CPED1: variants seen among roughly 807,000 people sequenced by gnomAD.
The protein encoded by CPED1 is cadherin-like and PC-esterase domain-containing protein 1.
In CPED1, 114 loss-of-function variants were observed where a neutral mutation model predicts 128.2. That is an observed-to-expected ratio of 0.89 (90% confidence interval 0.76 to 1.04). CPED1 has a LOEUF of 1.04. CPED1 is among the 50% of genes least tolerant of loss of function. The pLI is 0.00. For synonymous variants in CPED1, 462 were observed against 426.7 expected, an observed-to-expected ratio of 1.08 and a Z score of -1.02; for missense variants, 1,211 against 1,207.1, an observed-to-expected ratio of 1.00 and a Z score of -0.05.
intron 7 of CPED1, among the ~76,000 whole-genome samples, chr7:121,114,854 TAAA>T (rs930175815): frequency 4.4e-4 from 67 of 152,342 alleles, no homozygotes; most frequent in African/African-American, 1.5e-3. Flanking sequence ...ACTTTTGTAG[TAAA>T]AAAGGATAAA....
intron 4 of CPED1, among the ~76,000 whole-genome samples, chr7:121,047,708 TCTTCTTC>T (rs1372444314): frequency 1.5e-3 from 159 of 104,660 alleles, no homozygotes; most frequent in Non-Finnish European, 2.1e-3. Context: ...TTCTTCTTCT[TCTTCTTC>T]TTTTTTTTTT....
At chr7:121,041,386 A>G (rs1793048096) in intron 3 of CPED1, among the ~76,000 whole-genome samples, 1 of 608 alleles carries the variant, frequency 1.6e-3, no homozygotes, top group South Asian at 0.071. Context: ...ACAGAAAAAT[A>G]TATATATATA....
rs747156936 is a variant in CPED1, at chr7:120,989,688, G to C, written c.67G>C (p.Val23Leu). Residue 23 changes from valine (V) to leucine (L), a missense_variant, in exon 2 of 23, where the codon GTG becomes CTG. Transcript: ENST00000310396. ...FCPRPFLVGL[V>L]VAICLFYQTL... ...CCCCCGACCCTTCTTGGTGGGCTTA[G>C]TGGTGGCAATCTGTCTCTTCTACCA... The C allele has an allele frequency of 4.3e-6, 7 of 1,613,920 alleles. No individual in the cohort carries two copies. The African/African-American group carries it at 9.3e-5, about 22-fold the overall frequency.
intron 16 of CPED1, among the ~76,000 whole-genome samples, chr7:121,172,656 G>GGATAGATA (rs1394418998): frequency 1.6e-4 from 11 of 66,820 alleles, no homozygotes; most frequent in East Asian, 8.8e-4. Context: ...TTGGATGGAT[G>GGATAGATA]GATACATAGA....
Position 121,287,057 on chromosome 7 carries a change from T to C in CPED1, c.2869-8383T>C, listed in dbSNP as rs542853913. Among the ~76,000 whole-genome samples the C allele has an allele frequency of 1.6e-3, 243 of 152,296 alleles. 1 individual carries two copies. The highest frequency in any genetic ancestry group is 5.7e-3 in the African/African-American group (236 of 41,578). On this transcript the variant is annotated intron_variant, in intron 22 of 22. Transcript: ENST00000310396. Reference sequence around the variant, plus strand: ...CTCACTCACTGTTATGAAAACAGCATGGAGGAAACCACCTCCCCGATTCAA... The same window carrying C: ...CTCACTCACTGTTATGAAAACAGCACGGAGGAAACCACCTCCCCGATTCAA...
At chr7:121,080,309 T>G (rs1310889574) in intron 5 of CPED1, among the ~76,000 whole-genome samples, 1 of 152,192 alleles carries the variant, frequency 6.6e-6, no homozygotes, top group Non-Finnish European at 1.5e-5. Context: ...TTACAATTGT[T>G]TGGATCTTCC....
intron 18 of CPED1, among the ~76,000 whole-genome samples, chr7:121,252,764 A>G (rs1360807544): frequency 6.6e-6 from 1 of 152,202 alleles, no homozygotes; most frequent in African/African-American, 2.4e-5. Flanking sequence ...CCACAGTGAG[A>G]TAGCATCTCA....
chr7:121,189,798 A>ATATATATATATATATATATAT (rs869279165), intron 16 of CPED1, among the ~76,000 whole-genome samples: 8 of 50,458 alleles, frequency 1.6e-4, no homozygotes, highest in Non-Finnish European at 2.4e-4. Flanking sequence ...ATATATATAT[A>ATATATATATATATATATATAT]AAATTTGTAT....
chr7:121,012,784 G>A (rs1227538431), intron 2 of CPED1, among the ~76,000 whole-genome samples: 1 of 152,188 alleles, frequency 6.6e-6, no homozygotes, highest in African/African-American at 2.4e-5. Context: ...AGTCTGAGAT[G>A]TGGGTTAAAA....
chr7:121,055,931 T>C (rs1793488632), intron 4 of CPED1, among the ~76,000 whole-genome samples: 1 of 152,014 alleles, frequency 6.6e-6, no homozygotes, highest in African/African-American at 2.4e-5. Context: ...AATAATTCTA[T>C]TTCTTGGAAC....
At chr7:121,059,577 C>T (rs1793596792) in intron 4 of CPED1, among the ~76,000 whole-genome samples, 1 of 152,116 alleles carries the variant, frequency 6.6e-6, no homozygotes, top group Non-Finnish European at 1.5e-5. Flanking sequence ...TGTTTTCTTA[C>T]ATTTTGTAAC....
chr7:121,075,965 C>A (rs902485383), intron 5 of CPED1, among the ~76,000 whole-genome samples: 43 of 152,198 alleles, frequency 2.8e-4, no homozygotes, highest in African/African-American at 9.4e-4. Context: ...CCATGTTGTT[C>A]AAGAGTCAGC....
At chr7:121,234,797 T>C (rs1188064451) in intron 16 of CPED1, among the ~76,000 whole-genome samples, 2 of 152,146 alleles carry the variant, frequency 1.3e-5, no homozygotes, top group Non-Finnish European at 2.9e-5. Context: ...ACATTGTTGA[T>C]TGAGTGAACA....
Position 121,194,041 on chromosome 7 carries a change from TATATA to T in CPED1, c.2056-42672_2056-42668del, listed in dbSNP as rs1362636776. ...CTCTCTCTATATATATATATATATA[TATATA>T]TATTTTTTTTTTTTTTTTTTGAGAC... On this transcript the variant is annotated intron_variant, in intron 16 of 22. Transcript: ENST00000310396. Among the ~76,000 whole-genome samples, 326 of 113,026 alleles carry T rather than the reference TATATA, an allele frequency of 2.9e-3. 6 individuals are homozygous for T. Among genetic ancestry groups the T allele is most frequent in the African/African-American group, 8.1e-3 (230 of 28,288 alleles). The allele number at this position is 113,026 out of a possible 152,430, so 74.1% of individuals were successfully genotyped here. A position where few individuals can be genotyped will look rare whatever the true frequency, so the allele number is the denominator to read the frequency against.
intron 5 of CPED1, among the ~76,000 whole-genome samples, chr7:121,093,397 T>TACACAC (rs10526224): frequency 0.01 from 1,490 of 145,532 alleles, 14 homozygotes; most frequent in Middle Eastern, 0.034. Context: ...CCTTTTTCTG[T>TACACAC]ACACACACAC....
rs372986185 is a variant in CPED1, at chr7:121,261,699, C to T, written c.2311-4528C>T. On this transcript the variant is annotated intron_variant, in intron 18 of 22. Transcript: ENST00000310396. ...AGACACAATCCAGTCATCCTGGGAC[C>T]CTAAATGACCTCCCTGCCCCACCCC... The T allele has an allele frequency of 4.6e-4, 746 of 1,608,552 alleles. 1 individual carries two copies. The highest frequency in any genetic ancestry group is 6.1e-4 in the Non-Finnish European group (720 of 1,177,486).
chr7:121,272,075 A>C (rs1792243099), intron 22 of CPED1, among the ~76,000 whole-genome samples: 1 of 152,124 alleles, frequency 6.6e-6, no homozygotes, highest in South Asian at 2.1e-4. Context: ...TTCAGATAAC[A>C]AAAGGTCTCC....
intron 16 of CPED1, among the ~76,000 whole-genome samples, chr7:121,183,911 G>A (rs957823248): frequency 4.6e-5 from 7 of 152,130 alleles, no homozygotes; most frequent in Middle Eastern, 3.4e-3. Flanking sequence ...AGGCTGAGGT[G>A]GGCAGATTAC....
At position 121,295,561 on chromosome 7, in the gene CPED1, T is replaced by A. The variant is rs371281407; in HGVS notation, c.2990T>A (p.Phe997Tyr). The change falls in exon 23 of 23, where the codon TTT (phenylalanine) becomes TAT (tyrosine). Residue 997 changes from phenylalanine (F) to tyrosine (Y), a missense_variant. By Grantham distance (22) the Phe-to-Tyr change is conservative (BLOSUM62 3). Coordinates refer to ENST00000310396, the MANE Select transcript of CPED1 (RefSeq NM_024913.5). ...SKLQQGTVTN[F>Y]RSPYHVRGPI... is the part of the protein sequence containing the mutation. ...CTACAACAAGGCACTGTAACAAATT[T>A]TCGATCGCCATATCATGTCAGAGGT... The A allele has an allele frequency of 1.2e-6, 2 of 1,614,002 alleles. No individual in the cohort carries two copies. Among genetic ancestry groups the A allele is most frequent in the African/African-American group, 2.7e-5 (2 of 74,924 alleles).
Sources: allele counts gnomAD v4.1 joint callset (sites outside exome capture counted in the v4.1 genomes callset), GRCh38; gene constraint gnomAD v4.1.1; transcripts MANE v1.5; gene names NCBI Gene and HGNC (gene_info 2026-07-23, HGNC 2026-07-21).